The following GRIA4 variants were observed in gnomAD, a reference collection of about 807,000 sequenced individuals.
GRIA4 encodes the protein glutamate ionotropic receptor AMPA type subunit 4.
GRIA4 carries 34 observed loss-of-function variants against 104.0 expected under a neutral mutation model. The ratio of observed to expected loss-of-function variants is 0.33; its 90% CI spans 0.25 to 0.44. The LOEUF (loss-of-function observed/expected upper bound fraction) is 0.44. Among genes scored for constraint, GRIA4 ranks in the 20% least tolerant of loss-of-function variants. The probability of loss-of-function intolerance (pLI) is 1.00; values close to 1 mark genes in which losing one functional copy is unlikely to be tolerated. For synonymous variants in GRIA4, 386 were observed against 381.9 expected (o/e 1.01, Z -0.13); for missense variants, 750 against 1,096.5 (o/e 0.68, Z 4.46).
chr11:105,870,967 T>C (rs1326959665), intron 5 of GRIA4, among the ~76,000 whole-genome samples: 1 of 152,082 alleles, frequency 6.6e-6, no homozygotes, highest in East Asian at 1.9e-4. Context: ...ACTTCATCTG[T>C]AGACTATATT....
At chr11:105,610,874 T>TTTTTC in intron 1 of GRIA4, 34 bp from the exon 2 acceptor site, 1 of 84,886 alleles carries the variant, frequency 1.2e-5, no homozygotes. Flanking sequence ...TCTTTTCTTT[T>TTTTTC]TTTTTTTTTT....
chr11:105,740,186 T>A (rs1939217189), intron 3 of GRIA4, among the ~76,000 whole-genome samples: 1 of 152,196 alleles, frequency 6.6e-6, no homozygotes, highest in Non-Finnish European at 1.5e-5. Flanking sequence ...ATAACTATGA[T>A]TATAATTGGT....
intron 5 of GRIA4, among the ~76,000 whole-genome samples, chr11:105,874,234 T>C (rs1280882329): frequency 1.3e-5 from 2 of 152,132 alleles, no homozygotes; most frequent in Admixed American, 1.3e-4. Context: ...TGTAGATGTA[T>C]GGTGTTATTT....
intron 3 of GRIA4, among the ~76,000 whole-genome samples, chr11:105,652,744 G>A (rs1189302961): frequency 6.6e-6 from 1 of 152,078 alleles, no homozygotes; most frequent in Non-Finnish European, 1.5e-5. Flanking sequence ...CTTATCTATA[G>A]GGAATACATT....
At chr11:105,815,023 A>G (rs908154105) in intron 4 of GRIA4, among the ~76,000 whole-genome samples, 2 of 152,144 alleles carry the variant, frequency 1.3e-5, no homozygotes, top group Admixed American at 6.5e-5. Context: ...TGCCACAGCA[A>G]TAAGAAAAGA....
intron 10 of GRIA4, chr11:105,913,525 T>C (rs1947316291): frequency 1.0e-5 from 8 of 800,996 alleles, no homozygotes; most frequent in Non-Finnish European, 1.2e-5. Context: ...ATTTAACTTT[T>C]TGTATTAAAA....
At chr11:105,689,415 C>G (rs898676774) in intron 3 of GRIA4, among the ~76,000 whole-genome samples, 2 of 152,104 alleles carry the variant, frequency 1.3e-5, no homozygotes, top group African/African-American at 4.8e-5. Context: ...GAGTTGTGTA[C>G]GTTTTTTCTG....
At chr11:105,767,732 G>A (rs552116520) in intron 4 of GRIA4, among the ~76,000 whole-genome samples, 1 of 152,180 alleles carries the variant, frequency 6.6e-6, no homozygotes, top group East Asian at 1.9e-4. Context: ...AATCTTTATA[G>A]CATTCTAATG....
intron 14 of GRIA4, among the ~76,000 whole-genome samples, chr11:105,960,020 C>A (rs1704855803): frequency 6.6e-6 from 1 of 152,226 alleles, no homozygotes; most frequent in Admixed American, 6.5e-5. Flanking sequence ...TTGAGGGGCA[C>A]CAACCTGATG....
intron 14 of GRIA4, among the ~76,000 whole-genome samples, chr11:105,945,721 T>C (rs1948290395): frequency 6.6e-6 from 1 of 152,242 alleles, no homozygotes; most frequent in African/African-American, 2.4e-5. Context: ...TCATATCAGT[T>C]ATATGCTAAT....
intron 13 of GRIA4, among the ~76,000 whole-genome samples, chr11:105,929,375 A>C (rs773197621): frequency 6.6e-6 from 1 of 152,138 alleles, no homozygotes; most frequent in Non-Finnish European, 1.5e-5. Context: ...ATTAAGCCAC[A>C]GGGGAAAACT....
At chr11:105,893,515 T>C (rs1194850281) in intron 6 of GRIA4, among the ~76,000 whole-genome samples, 1 of 152,194 alleles carries the variant, frequency 6.6e-6, no homozygotes, top group Non-Finnish European at 1.5e-5. Context: ...CCACCCACTA[T>C]TCATTGAAAT....
intron 3 of GRIA4, chr11:105,614,451 A>G (rs1374039982): frequency 1.3e-5 from 2 of 151,980 alleles, no homozygotes; most frequent in Non-Finnish European, 2.9e-5. Context: ...TAAACATGAT[A>G]AATATTAGCA....
intron 4 of GRIA4, among the ~76,000 whole-genome samples, chr11:105,857,686 T>C (rs1453833765): frequency 6.6e-6 from 1 of 152,136 alleles, no homozygotes; most frequent in Non-Finnish European, 1.5e-5. Flanking sequence ...ATATCCAGCA[T>C]TCCATTAACC....
At chr11:105,902,613 G>A (rs377621452) in intron 7 of GRIA4, among the ~76,000 whole-genome samples, 1 of 152,114 alleles carries the variant, frequency 6.6e-6, no homozygotes, top group African/African-American at 2.4e-5. Context: ...AGGATTACAG[G>A]TGTGAGCCAC....
intron 3 of GRIA4, among the ~76,000 whole-genome samples, chr11:105,668,440 A>C (rs1952246661): frequency 6.6e-6 from 1 of 151,056 alleles, no homozygotes; most frequent in Admixed American, 6.6e-5. Context: ...GATATTGTGA[A>C]TAATACTACA....
intron 3 of GRIA4, among the ~76,000 whole-genome samples, chr11:105,614,829 C>T (rs1023576808): frequency 1.3e-5 from 2 of 151,540 alleles, no homozygotes; most frequent in Non-Finnish European, 3.0e-5. Context: ...ATGGACTGAC[C>T]GAGAGCATAC....
At chr11:105,634,483 A>G (rs1951139345) in intron 3 of GRIA4, among the ~76,000 whole-genome samples, 1 of 60,800 alleles carries the variant, frequency 1.6e-5, no homozygotes, top group Non-Finnish European at 4.4e-5. Flanking sequence ...GAAAGAAAGA[A>G]AGAAAGAAAG....
At chr11:105,753,692 A>G (rs545993533) in intron 4 of GRIA4, among the ~76,000 whole-genome samples, 69 of 152,234 alleles carry the variant, frequency 4.5e-4, no homozygotes, top group African/African-American at 1.5e-3. Context: ...ACTGAACATC[A>G]CTTTGGAAGC....
Sources: allele counts gnomAD v4.1 joint callset (sites outside exome capture counted in the v4.1 genomes callset), GRCh38; gene constraint gnomAD v4.1.1; transcripts MANE v1.5; gene names NCBI Gene and HGNC (gene_info 2026-07-23, HGNC 2026-07-21).